The following THADA variants were observed in gnomAD, a reference collection of about 807,000 sequenced individuals.
THADA encodes the protein THADA armadillo repeat containing.
A neutral mutation model predicts 219.8 loss-of-function variants in THADA; 213 were observed. The ratio of observed to expected loss-of-function variants is 0.97; its 90% confidence interval spans 0.87 to 1.09. The LOEUF (loss-of-function observed/expected upper bound fraction) is 1.09, where lower values mean the gene tolerates loss of function less well. Among genes scored for constraint, THADA ranks in the 50% least tolerant of loss-of-function variants. The pLI, the probability that THADA is intolerant of heterozygous loss-of-function variation, is 0.00. For synonymous variants in THADA, 1,018 were observed against 828.9 expected, an observed-to-expected ratio of 1.23 and a Z score of -3.92; for missense variants, 2,956 against 2,311.3, an observed-to-expected ratio of 1.28 and a Z score of -5.72.
intron 1 of THADA, among the ~76,000 whole-genome samples, chr2:43,594,205 T>A (rs1701898755): frequency 6.6e-6 from 1 of 151,912 alleles, no homozygotes; most frequent in Admixed American, 6.6e-5. Flanking sequence ...GCAATCTCTT[T>A]AAAAAAAACT....
chr2:43,500,965 A>G (rs1220825974), intron 24 of THADA, among the ~76,000 whole-genome samples: 1 of 152,062 alleles, frequency 6.6e-6, no homozygotes. Context: ...TACCATTCAT[A>G]ATTGCAAAAA....
chr2:43,247,644 G>A lies in THADA; in HGVS notation c.5297-14762C>T, dbSNP rs187788573. Among the ~76,000 whole-genome samples the A allele has an allele frequency of 6.2e-5, 9 of 145,314 alleles. No individual in the cohort carries two copies. The East Asian group carries it at 1.6e-3, about 26-fold the overall frequency. ...CTCGGGAGGCTGAGGCACGAGAATC[G>A]CTTGAACCCAGGAGGCGGAGGTTGC... On this transcript the variant is annotated intron_variant, in intron 36 of 37. Coordinates refer to ENST00000405975, the MANE Select transcript of THADA (RefSeq NM_022065.5).
intron 30 of THADA, among the ~76,000 whole-genome samples, chr2:43,326,595 C>T (rs1679364595): frequency 6.6e-6 from 1 of 152,138 alleles, no homozygotes; most frequent in Admixed American, 6.5e-5. Flanking sequence ...GGTCCATGGA[C>T]AGCTGTTACA....
intron 30 of THADA, 38 bp from the exon 31 acceptor site, chr2:43,320,578 C>G (rs1678590458): frequency 3.9e-6 from 6 of 1,529,904 alleles, no homozygotes; most frequent in Non-Finnish European, 5.4e-6. Flanking sequence ...TTGAGATTTT[C>G]TCTCCCTTAG....
Position 43,286,944 on chromosome 2 carries a change from T to A in THADA, c.5128A>T (p.Thr1710Ser), listed in dbSNP as rs772602244. 6.2e-7 allele frequency: 1 copy of A among 1,613,858 alleles called. No individual in the cohort carries two copies. The highest frequency in any genetic ancestry group is 1.1e-5 in the South Asian group (1 of 91,062). The change falls in exon 35 of 38, where the codon ACA becomes TCA. Residue 1710 changes from threonine (T) to serine (S), a missense_variant. Transcript: ENST00000405975. ...TGGGGGTTGGTGAGGAAAAGTGGTG[T>A]AGTACTGGTGAGGACTTCAACGACG... is the stretch of plus-strand genomic sequence containing the variant. ...LAVVEVLTSTTPLFLTNPHPI... is the reference protein window; with the variant it reads ...LAVVEVLTSTSPLFLTNPHPI...
At position 43,456,793 on chromosome 2, in the gene THADA, T is replaced by C. The variant is rs528575027; in HGVS notation, c.3837-26491A>G. On this transcript the variant is annotated intron_variant, in intron 26 of 37. Coordinates refer to ENST00000405975, the MANE Select transcript of THADA (RefSeq NM_022065.5). ...CACTTTAAAGATGAGATGAAAGGAA[T>C]AGAGAGGAAATTAGTATAAATTACA... Among the ~76,000 whole-genome samples the C allele has an allele frequency of 7.6e-4, 115 of 152,268 alleles. 3 individuals are homozygous for C. The highest frequency in any genetic ancestry group is 6.8e-3 in the Middle Eastern group (2 of 294).
intron 28 of THADA, among the ~76,000 whole-genome samples, chr2:43,425,656 T>A (rs1486079177): frequency 1.3e-5 from 2 of 152,206 alleles, no homozygotes; most frequent in African/African-American, 4.8e-5. Context: ...TATGTTTACA[T>A]CTTAAAGTTT....
intron 6 of THADA, 24 bp downstream of exon 6, chr2:43,586,678 A>T: frequency 6.2e-7 from 1 of 1,601,964 alleles, no homozygotes; most frequent in Non-Finnish European, 8.5e-7. Flanking sequence ...AACTCATGGA[A>T]CAAAATAAAA....
At chr2:43,513,613 A>G (rs1690784437) in intron 22 of THADA, among the ~76,000 whole-genome samples, 1 of 152,152 alleles carries the variant, frequency 6.6e-6, no homozygotes, top group African/African-American at 2.4e-5. Flanking sequence ...TGATATCCCC[A>G]ATTTCACTGT....
intron 36 of THADA, among the ~76,000 whole-genome samples, chr2:43,270,271 C>G (rs986491950): frequency 6.6e-6 from 1 of 152,148 alleles, no homozygotes; most frequent in Non-Finnish European, 1.5e-5. Context: ...GTCAGAGGCT[C>G]TAAAACCCTC....
At chr2:43,551,394 C>A (rs1417936770) in intron 19 of THADA, among the ~76,000 whole-genome samples, 3 of 151,936 alleles carry the variant, frequency 2.0e-5, no homozygotes, top group Admixed American at 1.3e-4. Flanking sequence ...GCTGAGGAGC[C>A]CTAATCTGAA....
chr2:43,429,270 C>T (rs1223041865), intron 27 of THADA, among the ~76,000 whole-genome samples: 2 of 151,264 alleles, frequency 1.3e-5, no homozygotes, highest in East Asian at 1.9e-4. Flanking sequence ...ACCAGCCTGG[C>T]TAATATTTGT....
chr2:43,378,335 G>C (rs1000757525), intron 29 of THADA, among the ~76,000 whole-genome samples: 1 of 152,060 alleles, frequency 6.6e-6, no homozygotes, highest in Non-Finnish European at 1.5e-5. Context: ...AAATTGGACA[G>C]AACTGTGAAA....
intron 35 of THADA, among the ~76,000 whole-genome samples, chr2:43,285,032 T>C (rs1212188259): frequency 6.6e-6 from 1 of 152,240 alleles, no homozygotes; most frequent in Non-Finnish European, 1.5e-5. Flanking sequence ...GTACCCCCAT[T>C]GTATCTTGGA....
At chr2:43,570,209 T>C (rs1699138777) in intron 14 of THADA, among the ~76,000 whole-genome samples, 179 bp downstream of exon 14, 1 of 152,172 alleles carries the variant, frequency 6.6e-6, no homozygotes, top group African/African-American at 2.4e-5. Flanking sequence ...ACTGGTTCCA[T>C]AACCCAGGCT....
chr2:43,511,126 C>A (rs1690384067), intron 22 of THADA, among the ~76,000 whole-genome samples: 1 of 151,898 alleles, frequency 6.6e-6, no homozygotes, highest in Admixed American at 6.6e-5. Flanking sequence ...GCATTTTCTT[C>A]CTAGAACCAT....
intron 11 of THADA, among the ~76,000 whole-genome samples, chr2:43,574,010 A>G (rs1403897045): frequency 6.6e-6 from 1 of 151,616 alleles, no homozygotes; most frequent in Admixed American, 6.6e-5. Context: ...GAATAAGCAC[A>G]TTATATAAGA....
At chr2:43,471,156 G>A (rs1368093356) in intron 26 of THADA, among the ~76,000 whole-genome samples, 1 of 152,066 alleles carries the variant, frequency 6.6e-6, no homozygotes, top group South Asian at 2.1e-4. Flanking sequence ...AGAGAATATT[G>A]CTAAATACTC....
chr2:43,411,808 T>C (rs7582497), intron 28 of THADA, among the ~76,000 whole-genome samples: 103,940 of 152,080 alleles, frequency 0.68, 36,686 homozygotes, highest in African/African-American at 0.82. Context: ...CGGTACATTA[T>C]TATACAGCTG....
Sources: allele counts gnomAD v4.1 joint callset (sites outside exome capture counted in the v4.1 genomes callset), GRCh38; gene constraint gnomAD v4.1.1; transcripts MANE v1.5; gene names NCBI Gene and HGNC (gene_info 2026-07-23, HGNC 2026-07-21).